DOCK9: variants seen among roughly 807,000 people sequenced by gnomAD.
DOCK9 encodes dedicator of cytokinesis 9.
DOCK9 carries 89 observed loss-of-function variants against 263.3 expected under a neutral mutation model. The observed-to-expected ratio is 0.34, with a 90% CI of 0.28 to 0.40. DOCK9 has a LOEUF of 0.40. DOCK9 is among the 10% of genes least tolerant of loss of function. DOCK9 has a pLI of 1.00. For synonymous variants in DOCK9, 976 were observed against 973.1 expected (o/e 1.00, Z -0.06); for missense variants, 2,140 against 2,603.4 (o/e 0.82, Z 3.87).
chr13:99,064,801 A>G (rs1225614465), intron 1 of DOCK9, among the ~76,000 whole-genome samples: 1 of 152,212 alleles, frequency 6.6e-6, no homozygotes, highest in African/African-American at 2.4e-5. Context: ...ATGACTGAGT[A>G]TTTTAAAGAG....
chr13:99,038,566 A>G (rs888114889), intron 1 of DOCK9, among the ~76,000 whole-genome samples: 11 of 152,020 alleles, frequency 7.2e-5, no homozygotes, highest in African/African-American at 1.9e-4. Context: ...TCAGCCTCCC[A>G]AAGTGCTTGG....
rs372320055 is a variant in DOCK9, at chr13:98,906,389, C to T, written c.961-1683G>A. ...ATTTGGGAACAGAAAGAGAGAGAGG[C>T]TTTTCAGACATTCACAAGATAGAAG... On this transcript the variant is annotated intron_variant, in intron 9 of 52. Transcript: ENST00000682017. 1.5e-4 allele frequency among the ~76,000 whole-genome samples: 23 copies of T among 152,258 alleles called. No individual in the cohort carries two copies. The East Asian group carries it at 3.5e-3, about 23-fold the overall frequency.
intron 9 of DOCK9, among the ~76,000 whole-genome samples, chr13:98,912,792 T>C (rs1260033700): frequency 6.6e-6 from 1 of 152,136 alleles, no homozygotes; most frequent in East Asian, 1.9e-4. Flanking sequence ...TAGGTATCCA[T>C]TCCGTTCACC....
At position 98,829,790 on chromosome 13, in the gene DOCK9, AC is replaced by A; in HGVS notation, c.4636-35del. The stretch of plus-strand genomic sequence containing the variant: ...CACACAAACATGAGCAAATCAATTT[AC>A]CTTCAAATGACTGCCCAGGCTGGGC... On this transcript the variant is annotated intron_variant, in intron 41 of 52. Coordinates refer to ENST00000682017, the MANE Select transcript of DOCK9 (RefSeq NM_001366683.2). The surrounding 1 kb of genome is among the most constrained non-coding windows in gnomAD (Gnocchi z 4.1). 1.3e-6 allele frequency: 2 copies of A among 1,543,334 alleles called. No homozygotes were observed. The highest frequency in any genetic ancestry group is 1.8e-6 in the Non-Finnish European group (2 of 1,132,838).
chr13:99,008,918 T>C (rs1466007326), intron 1 of DOCK9, among the ~76,000 whole-genome samples: 1 of 152,222 alleles, frequency 6.6e-6, no homozygotes, highest in Non-Finnish European at 1.5e-5. Flanking sequence ...AGCTTCAACA[T>C]ATGAATAGGG....
chr13:98,808,501 TAAGA>T, intron 47 of DOCK9: 1 of 664,170 alleles, frequency 1.5e-6, no homozygotes, highest in Non-Finnish European at 2.7e-6. Context: ...TCACGTAAAT[TAAGA>T]GAGAGAAAAT....
intron 27 of DOCK9, among the ~76,000 whole-genome samples, chr13:98,876,309 T>C (rs1477817041): frequency 6.6e-6 from 1 of 152,118 alleles, no homozygotes; most frequent in African/African-American, 2.4e-5. Flanking sequence ...CTGGCCAACA[T>C]GGTGAAACCC....
chr13:98,906,303 G>A (rs980277813), intron 9 of DOCK9, among the ~76,000 whole-genome samples: 1 of 152,188 alleles, frequency 6.6e-6, no homozygotes, highest in African/African-American at 2.4e-5. Context: ...GAGGTGGACA[G>A]AAGAGAGGCC....
intron 37 of DOCK9, chr13:98,846,699 C>A: frequency 2.1e-6 from 1 of 480,152 alleles, no homozygotes; most frequent in South Asian, 1.7e-5. Context: ...CCGGAGCCAA[C>A]CGTCCCCCTC....
intron 1 of DOCK9, among the ~76,000 whole-genome samples, chr13:98,997,991 T>C (rs1567187565): frequency 1.3e-5 from 2 of 152,224 alleles, no homozygotes; most frequent in Non-Finnish European, 2.9e-5. Context: ...GCTGAGGCCA[T>C]TCTGCTCTTC....
intron 2 of DOCK9, among the ~76,000 whole-genome samples, chr13:98,935,659 T>G (rs963844509): frequency 6.6e-6 from 1 of 152,158 alleles, no homozygotes; most frequent in Non-Finnish European, 1.5e-5. Flanking sequence ...TCTCAGCTAC[T>G]TGGGAGGCTG....
chr13:98,851,011 G>C (rs1047506455), intron 35 of DOCK9, among the ~76,000 whole-genome samples: 1 of 152,182 alleles, frequency 6.6e-6, no homozygotes, highest in Non-Finnish European at 1.5e-5. Flanking sequence ...AAGATGTATG[G>C]CCACAGGCTT....
intron 35 of DOCK9, among the ~76,000 whole-genome samples, chr13:98,851,272 G>A (rs144962725): frequency 2.6e-5 from 4 of 152,334 alleles, no homozygotes; most frequent in Admixed American, 2.0e-4. Flanking sequence ...TTTAAATCGC[G>A]TGCATCTGAT....
At chr13:99,008,540 G>A (rs185371260) in intron 1 of DOCK9, among the ~76,000 whole-genome samples, 3 of 152,074 alleles carry the variant, frequency 2.0e-5, no homozygotes, top group Admixed American at 1.3e-4. Context: ...GGCCCATGTG[G>A]AGTCTCTTGA....
intron 45 of DOCK9, among the ~76,000 whole-genome samples, chr13:98,816,082 T>C (rs1272903387): frequency 6.6e-6 from 1 of 152,166 alleles, no homozygotes; most frequent in Non-Finnish European, 1.5e-5. Flanking sequence ...TTATCAAGCA[T>C]CTACTACATG....
chr13:98,889,526 A>G (rs913353346), intron 15 of DOCK9, among the ~76,000 whole-genome samples: 5 of 152,146 alleles, frequency 3.3e-5, no homozygotes, highest in African/African-American at 1.2e-4. Flanking sequence ...TTCTGACTCA[A>G]TCCAATATAG....
chr13:99,036,414 C>T (rs533427614), intron 1 of DOCK9, among the ~76,000 whole-genome samples: 15 of 152,326 alleles, frequency 9.8e-5, no homozygotes, highest in South Asian at 2.1e-4. Context: ...TAGAAGTCAT[C>T]CTTCTTTAAC....
intron 47 of DOCK9, among the ~76,000 whole-genome samples, 194 bp from the exon 48 acceptor site, chr13:98,808,001 T>G (rs181731399): frequency 6.6e-6 from 1 of 152,216 alleles, no homozygotes; most frequent in Admixed American, 6.5e-5. Flanking sequence ...AACACAACAT[T>G]GCAAACTTAT....
intron 1 of DOCK9, among the ~76,000 whole-genome samples, chr13:98,976,549 C>T (rs889445498): frequency 6.6e-6 from 1 of 152,206 alleles, no homozygotes; most frequent in African/African-American, 2.4e-5. Context: ...TAAGTTACAT[C>T]AGCTGCTTTA....
Sources: gnomAD v4.1 joint callset for allele counts (sites outside exome capture counted in the v4.1 genomes callset) on GRCh38, gnomAD v4.1.1 for gene constraint, Gnocchi (gnomAD v3.1) non-coding constraint, MANE v1.5 for transcripts, NCBI Gene and HGNC (gene_info 2026-07-23, HGNC 2026-07-21) for gene names.